Variants in MPC2 observed in about 807,000 individuals in gnomAD.
MPC2 encodes the protein brain protein 44.
MPC2 carries 19 observed loss-of-function variants against 19.2 expected under a neutral mutation model. That is an observed-to-expected ratio of 0.99 (90% CI 0.69 to 1.45). The LOEUF is 1.45. MPC2 is among the 40% of genes most tolerant of loss of function. The pLI is 0.00. For missense variants in MPC2, 122 were observed against 153.0 expected (o/e 0.80, Z 1.07); for synonymous variants, 61 against 54.3 (o/e 1.12, Z -0.54).
intron 2 of MPC2, among the ~76,000 whole-genome samples, chr1:167,926,903 C>T (rs1193634926): frequency 6.6e-6 from 1 of 152,076 alleles, no homozygotes; most frequent in Admixed American, 6.5e-5. Context: ...CCTTAAAAAA[C>T]AAACAAAAAA....
chr1:167,926,705 C>A (rs964620914), intron 2 of MPC2, among the ~76,000 whole-genome samples: 1 of 152,122 alleles, frequency 6.6e-6, no homozygotes, highest in Non-Finnish European at 1.5e-5. Flanking sequence ...GCAGGACAGC[C>A]GCTCCCAGAA....
intron 5 of MPC2, among the ~76,000 whole-genome samples, chr1:167,918,918 T>A (rs933065679): frequency 2.0e-5 from 3 of 152,090 alleles, no homozygotes; most frequent in African/African-American, 7.2e-5. Context: ...ACAGCTTAGC[T>A]GACATATAGT....
At chr1:167,927,129 A>G (rs1670783014) in intron 2 of MPC2, among the ~76,000 whole-genome samples, 1 of 152,212 alleles carries the variant, frequency 6.6e-6, no homozygotes, top group South Asian at 2.1e-4. Context: ...AAGATATTCA[A>G]ACTTTCTGTC....
At chr1:167,932,111 G>A (rs111289157) in intron 2 of MPC2, among the ~76,000 whole-genome samples, 11 of 152,242 alleles carry the variant, frequency 7.2e-5, no homozygotes, top group African/African-American at 1.7e-4. Context: ...GCTATAATGC[G>A]TTAAAATGAT....
intron 5 of MPC2, among the ~76,000 whole-genome samples, chr1:167,919,776 T>C (rs928992466): frequency 6.6e-6 from 1 of 152,168 alleles, no homozygotes. Context: ...GTTAACTTAT[T>C]TGTAAACCCC....
At chr1:167,932,808 C>CAAAAAAAAAAAAAAAA (rs965449372) in intron 2 of MPC2, among the ~76,000 whole-genome samples, 1 of 54,912 alleles carries the variant, frequency 1.8e-5, no homozygotes, top group Non-Finnish European at 4.2e-5. Flanking sequence ...GACTCTGTCT[C>CAAAAAAAAAAAAAAAA]AAAAAAAAAA....
At chr1:167,920,429 T>C (rs1261662972) in intron 4 of MPC2, 118 bp downstream of exon 4, 1 of 1,038,804 alleles carries the variant, frequency 9.6e-7, no homozygotes, top group Non-Finnish European at 1.4e-6. Flanking sequence ...CATAATACTG[T>C]TAATTCCTTT....
chr1:167,921,610 C>T (rs139710003), intron 3 of MPC2, among the ~76,000 whole-genome samples: 23 of 152,204 alleles, frequency 1.5e-4, no homozygotes, highest in African/African-American at 5.3e-4. Flanking sequence ...TGCACTCATG[C>T]GTTTTTGCTC....
intron 2 of MPC2, among the ~76,000 whole-genome samples, chr1:167,931,845 T>C (rs1208564966): frequency 1.3e-5 from 2 of 152,318 alleles, no homozygotes; most frequent in East Asian, 3.8e-4. Context: ...CATTGGTTCA[T>C]TTAGTTTATT....
rs942057383 is a variant in MPC2 at position 167,917,589 on chromosome 1, C to A, written c.*734G>T. On this transcript the variant is annotated 3_prime_UTR_variant, in exon 6 of 6. Transcript: ENST00000271373. Reference sequence around the variant, plus strand: ...CTCCAGCCTGGGCCACAGAGCGAGACCCTGTCTCAAAAAAAAAAAAAAAAA... The same window carrying A: ...CTCCAGCCTGGGCCACAGAGCGAGAACCTGTCTCAAAAAAAAAAAAAAAAA... 1.4e-5 allele frequency: 2 copies of A among 142,276 alleles called. No individual in the cohort carries two copies. Among genetic ancestry groups the A allele is most frequent in the African/African-American group, 2.7e-5 (1 of 37,648 alleles). 8.8% of individuals were successfully genotyped at this position (142,276 alleles called of 1,614,324 possible). A position where few individuals can be genotyped will look rare whatever the true frequency, so the allele number is the denominator to read the frequency against.
At chr1:167,925,484 T>C (rs371773083) in intron 2 of MPC2, among the ~76,000 whole-genome samples, 6 of 136,846 alleles carry the variant, frequency 4.4e-5, no homozygotes, top group Admixed American at 7.5e-5. Flanking sequence ...TACATATACA[T>C]ATACACACAC....
chr1:167,920,011 T>G lies in MPC2; in HGVS notation c.315A>C (p.Ala105=). 2 of 1,613,604 alleles carry G rather than the reference T, an allele frequency of 1.2e-6. No homozygotes were observed. Among genetic ancestry groups the G allele is most frequent in the Non-Finnish European group, 1.7e-6 (2 of 1,179,742 alleles). ...TACGAAAAAGCTGAGAGGCTCCTGC[T>G]GCCCCCACAAAGAAATTAACAGCAA... The part of the protein sequence containing the change: ...SLFAVNFFVG[A]AGASQLFRIW... Residue 105 remains alanine, a synonymous_variant, in exon 5 of 6, where the codon GCA becomes GCC. Transcript: ENST00000271373.
chr1:167,936,868 C>T (rs1204859309), intron 1 of MPC2, 71 bp downstream of exon 1: 3 of 1,262,238 alleles, frequency 2.4e-6, no homozygotes, highest in East Asian at 5.0e-5. Context: ...CTCCTCCCCT[C>T]CCCCACGCGG....
chr1:167,922,056 G>GC (rs1670616986), intron 3 of MPC2, among the ~76,000 whole-genome samples: 1 of 152,112 alleles, frequency 6.6e-6, no homozygotes, highest in Admixed American at 6.5e-5. Flanking sequence ...GCTTGCAGAA[G>GC]CAACTGTTAT....
At chr1:167,918,477 T>A in intron 5 of MPC2, 118 bp from the exon 6 acceptor site, 1 of 601,750 alleles carries the variant, frequency 1.7e-6, no homozygotes, top group Non-Finnish European at 2.8e-6. Flanking sequence ...GCTATACAGT[T>A]GTAAACAGAA....
chr1:167,926,716 A>C (rs1447880021), intron 2 of MPC2, among the ~76,000 whole-genome samples: 4 of 152,196 alleles, frequency 2.6e-5, no homozygotes, highest in Non-Finnish European at 5.9e-5. Flanking sequence ...GCTCCCAGAA[A>C]GTAGAGGGTT....
intron 2 of MPC2, among the ~76,000 whole-genome samples, chr1:167,925,322 G>A (rs555800559): frequency 9.9e-5 from 15 of 151,136 alleles, no homozygotes; most frequent in Non-Finnish European, 1.6e-4. Flanking sequence ...TTACCTAATA[G>A]AATGTAGAAT....
intron 2 of MPC2, among the ~76,000 whole-genome samples, chr1:167,932,665 T>G (rs2102558641): frequency 6.6e-6 from 1 of 151,876 alleles, no homozygotes; most frequent in Non-Finnish European, 1.5e-5. Context: ...AAAAATTAGC[T>G]GAGCATGGTG....
chr1:167,933,295 G>A (rs2102560711), intron 2 of MPC2, among the ~76,000 whole-genome samples: 1 of 150,374 alleles, frequency 6.7e-6, no homozygotes, highest in Non-Finnish European at 1.5e-5. Flanking sequence ...AGCCTCCCAA[G>A]TAGCTGAGAT....
Sources: allele counts gnomAD v4.1 joint callset (sites outside exome capture counted in the v4.1 genomes callset), GRCh38; gene constraint gnomAD v4.1.1; transcripts MANE v1.5; gene names NCBI Gene and HGNC (gene_info 2026-07-23, HGNC 2026-07-21).